Variants in ATP10B observed in about 807,000 individuals in gnomAD.
ATP10B encodes phospholipid-transporting ATPase VB.
ATP10B carries 122 observed loss-of-function variants against 141.2 expected under a neutral mutation model. The ratio of observed to expected loss-of-function variants is 0.86; its 90% CI spans 0.75 to 1.00. The LOEUF (loss-of-function observed/expected upper bound fraction) is 1.00, where lower values mean the gene tolerates loss of function less well. Among genes scored for constraint, ATP10B ranks in the 50% least tolerant of loss-of-function variants. The pLI is 0.00. For missense variants in ATP10B, 1,876 were observed against 1,825.3 expected, an observed-to-expected ratio of 1.03 and a Z score of -0.51; for synonymous variants, 685 against 692.0, an observed-to-expected ratio of 0.99 and a Z score of 0.16.
chr5:160,689,013 C>G (rs1046910477), intron 3 of ATP10B, 70 bp from the exon 4 acceptor site: 5 of 876,056 alleles, frequency 5.7e-6, no homozygotes, highest in Non-Finnish European at 6.8e-6. Context: ...TACAGCACAT[C>G]AAAAAGCTTG....
At chr5:160,787,479 G>A (rs955986318) in intron 1 of ATP10B, among the ~76,000 whole-genome samples, 4 of 152,148 alleles carry the variant, frequency 2.6e-5, no homozygotes, top group African/African-American at 9.7e-5. Context: ...AGCAGCCTGG[G>A]TCCAGCTAGG....
At chr5:160,866,982 T>C in the ATP10B span, among the ~76,000 whole-genome samples, 1 of 152,094 alleles carries the variant, frequency 6.6e-6, no homozygotes, top group Non-Finnish European at 1.5e-5. Flanking sequence ...AGAGGCAGTG[T>C]AGTATTGTGG....
chr5:160,763,698 A>G (rs1034440348), intron 2 of ATP10B, among the ~76,000 whole-genome samples: 8 of 152,180 alleles, frequency 5.3e-5, no homozygotes, highest in Non-Finnish European at 8.8e-5. Context: ...CAGAATAGAA[A>G]TAGCAAAGAT....
the ATP10B span, among the ~76,000 whole-genome samples, chr5:160,880,304 A>G: frequency 6.7e-6 from 1 of 150,026 alleles, no homozygotes; most frequent in African/African-American, 2.4e-5. Flanking sequence ...AATCAAAGGA[A>G]AAATCAAATA....
intron 2 of ATP10B, among the ~76,000 whole-genome samples, chr5:160,733,597 C>T (rs774528593): frequency 3.2e-4 from 49 of 151,268 alleles, no homozygotes; most frequent in African/African-American, 8.3e-4. Flanking sequence ...TACATATATA[C>T]GTTACATATA....
intron 15 of ATP10B, among the ~76,000 whole-genome samples, chr5:160,618,185 T>G (rs1758132768): frequency 6.6e-6 from 1 of 152,164 alleles, no homozygotes; most frequent in Non-Finnish European, 1.5e-5. Flanking sequence ...TCTCTACATC[T>G]TTTCATCAAA....
At chr5:160,743,552 A>AT (rs1261024027) in intron 2 of ATP10B, among the ~76,000 whole-genome samples, 7 of 151,402 alleles carry the variant, frequency 4.6e-5, no homozygotes, top group Non-Finnish European at 7.4e-5. Context: ...TATTAAGCTA[A>AT]TTTTTTTTTA....
At chr5:160,913,041 A>G in the ATP10B span, among the ~76,000 whole-genome samples, 1 of 152,258 alleles carries the variant, frequency 6.6e-6, no homozygotes, top group Admixed American at 6.5e-5. Context: ...CATTCTGAAG[A>G]TTGTTGACAG....
At chr5:160,801,505 A>G (rs371191090) in intron 1 of ATP10B, among the ~76,000 whole-genome samples, 10 of 152,342 alleles carry the variant, frequency 6.6e-5, no homozygotes, top group South Asian at 2.1e-4. Flanking sequence ...TATCTTTCCA[A>G]TTAGAGGGCA....
intron 2 of ATP10B, among the ~76,000 whole-genome samples, chr5:160,755,580 C>G (rs1292106375): frequency 6.7e-6 from 1 of 150,312 alleles, no homozygotes; most frequent in Non-Finnish European, 1.5e-5. Flanking sequence ...CTTTGGGAGG[C>G]CGAGGCGGGC....
intron 1 of ATP10B, among the ~76,000 whole-genome samples, chr5:160,810,357 GT>G (rs1351554555): frequency 2.0e-5 from 3 of 151,730 alleles, no homozygotes; most frequent in Admixed American, 6.6e-5. Flanking sequence ...CCTATTTAAA[GT>G]TTTAAAAATA....
chr5:160,582,333 G>A (rs1465928897), intron 24 of ATP10B, among the ~76,000 whole-genome samples: 3 of 152,282 alleles, frequency 2.0e-5, no homozygotes, highest in Non-Finnish European at 4.4e-5. Context: ...CTCTTGTAAG[G>A]TAGGCCTGGT....
intron 2 of ATP10B, among the ~76,000 whole-genome samples, chr5:160,760,483 C>T (rs1231488778): frequency 1.3e-5 from 2 of 152,170 alleles, no homozygotes; most frequent in African/African-American, 2.4e-5. Context: ...TTATATGCTA[C>T]AGTAAAATTT....
chr5:160,908,899 C>T, the ATP10B span, among the ~76,000 whole-genome samples: 3 of 152,200 alleles, frequency 2.0e-5, no homozygotes, highest in Non-Finnish European at 4.4e-5. Flanking sequence ...CCTTTATGTC[C>T]TCCAAGTTCT....
At chr5:160,570,211 A>AT (rs1028067001) in intron 24 of ATP10B, among the ~76,000 whole-genome samples, 14 of 151,930 alleles carry the variant, frequency 9.2e-5, no homozygotes, top group African/African-American at 3.4e-4. Flanking sequence ...AGATGTATAT[A>AT]TTTTCAGGGT....
At position 160,563,444 on chromosome 5, in the gene ATP10B, T is replaced by C. The variant is rs1283658635; in HGVS notation, c.*2009A>G. On this transcript the variant is annotated 3_prime_UTR_variant, in exon 26 of 26. Coordinates refer to ENST00000327245, the MANE Select transcript of ATP10B (RefSeq NM_025153.3). ...AAGAGCAGCATCAGAGTGTTGGCTA[T>C]AGTTTGGAACTTAGGAACAGGATCA... 6.6e-6 allele frequency: 1 copy of C among 152,206 alleles called. No individual in the cohort carries two copies. The highest frequency in any genetic ancestry group is 1.9e-4 in the East Asian group (1 of 5,200). The allele number at this position is 152,206 out of a possible 1,614,324, so 9.4% of individuals were successfully genotyped here.
rs541488262 is a variant in ATP10B at position 160,620,731 on chromosome 5, C to A, written c.2032G>T (p.Gly678Cys). 1.2e-6 allele frequency: 2 copies of A among 1,614,092 alleles called. No individual in the cohort carries two copies. The highest frequency in any genetic ancestry group is 2.7e-5 in the African/African-American group (2 of 74,948). ...VCSGGDSTDD[G>C]GYRSSMWDQG... ...TCCCACATGCTGCTCCTGTAGCCAC[C>A]GTCATCAGTGGAGTCACCTCCACTG... is the stretch of plus-strand genomic sequence containing the variant. The change falls in exon 15 of 26, where the codon GGT becomes TGT. Residue 678 changes from glycine (G) to cysteine (C), a missense_variant. Transcript: ENST00000327245.
At chr5:160,773,467 A>G (rs1770054892) in intron 2 of ATP10B, among the ~76,000 whole-genome samples, 1 of 152,126 alleles carries the variant, frequency 6.6e-6, no homozygotes, top group Non-Finnish European at 1.5e-5. Flanking sequence ...TTCTGGGGTA[A>G]TTTCCAGCTG....
chr5:160,623,772 A>G (rs1192125195), intron 13 of ATP10B, among the ~76,000 whole-genome samples: 3 of 152,158 alleles, frequency 2.0e-5, no homozygotes, highest in African/African-American at 7.2e-5. Flanking sequence ...TCTTAACCAG[A>G]GCAGAGGTGG....
Sources: allele counts gnomAD v4.1 joint callset (sites outside exome capture counted in the v4.1 genomes callset), GRCh38; gene constraint gnomAD v4.1.1; transcripts MANE v1.5; gene names NCBI Gene and HGNC (gene_info 2026-07-23, HGNC 2026-07-21).